RFX2: variants seen among roughly 807,000 people sequenced by gnomAD.
RFX2 encodes the protein DNA-binding protein RFX2.
Under a neutral mutation model 87.8 loss-of-function variants are expected in RFX2, and 20 were observed. That is an observed-to-expected ratio of 0.23 (90% CI 0.16 to 0.33). The LOEUF is 0.33. RFX2 is among the 10% of genes least tolerant of loss of function. The pLI, the probability that RFX2 is intolerant of heterozygous loss-of-function variation, is 1.00. For missense variants in RFX2, 767 were observed against 1,012.3 expected (o/e 0.76, Z 3.29); for synonymous variants, 397 against 431.3 (o/e 0.92, Z 0.98).
Position 5,994,876 on chromosome 19 carries a change from G to T in RFX2, c.2131C>A (p.Arg711=). The T allele has an allele frequency of 6.2e-7, 1 of 1,610,518 alleles. No individual in the cohort carries two copies. The change falls in exon 18 of 18, where the codon CGG becomes AGG. Residue 711 remains arginine (R), a synonymous_variant. Transcript: ENST00000303657. ...GAGTGGTTGGGGTCACTGCGCTCCCGCTTTACCAGGGGCTCACCCAGGCTG... is the reference window on the plus strand; with the variant it reads ...GAGTGGTTGGGGTCACTGCGCTCCCTCTTTACCAGGGGCTCACCCAGGCTG... The part of the protein sequence containing the change: ...ARSLGEPLVK[R]ERSDPNHSLQ...
chr19:6,026,259 A>G lies in RFX2; in HGVS notation c.523-22T>C, dbSNP rs769330023. On this transcript the variant is annotated intron_variant, in intron 5 of 17. Transcript: ENST00000303657. The surrounding 1 kb of genome is among the most constrained non-coding windows in gnomAD (Gnocchi z 4.5). ...CAAGCTAAAGAAAATGTGTGCAGAA[A>G]CAAAACAAAACAAAATGGAAAAAAA... The G allele has an allele frequency of 1.0e-5, 16 of 1,584,756 alleles. No homozygotes were observed. In the East Asian group the frequency reaches 3.6e-4, roughly 35 times the overall value.
At chr19:6,051,462 G>A (rs1030113964) in intron 1 of RFX2, among the ~76,000 whole-genome samples, 1 of 152,074 alleles carries the variant, frequency 6.6e-6, no homozygotes. Context: ...TCTATAAATT[G>A]TGATAAATTA....
intron 6 of RFX2, among the ~76,000 whole-genome samples, chr19:6,025,137 T>C (rs1235526179): frequency 2.6e-5 from 4 of 152,198 alleles, no homozygotes; most frequent in Admixed American, 6.5e-5. Context: ...TTTCCAGCTA[T>C]GTGCAAAACC....
At chr19:6,077,181 G>C (rs1398326939) in intron 1 of RFX2, 1 of 152,250 alleles carries the variant, frequency 6.6e-6, no homozygotes, top group Non-Finnish European at 1.5e-5. Flanking sequence ...GAGCCAGCAA[G>C]CTTCCTTAAA....
chr19:6,049,828 T>C (rs753389327), intron 1 of RFX2, among the ~76,000 whole-genome samples: 1 of 152,250 alleles, frequency 6.6e-6, no homozygotes, highest in Non-Finnish European at 1.5e-5. Context: ...GTGCCCAGCC[T>C]GTTCCCCTAA....
Position 6,012,900 on chromosome 19 carries a change from G to T in RFX2, c.899+86C>A. The T allele has an allele frequency of 7.7e-7, 1 of 1,299,310 alleles. No individual in the cohort carries two copies. Among genetic ancestry groups the T allele is most frequent in the Non-Finnish European group, 1.0e-6 (1 of 999,872 alleles). The allele number at this position is 1,299,310 out of a possible 1,614,324, so 80.5% of individuals were successfully genotyped here. ...AGGATGCTGGAGACTGGGGAGTTAT[G>T]ATGAGTTTGTTTCGTGTTGGAGAAA... On this transcript the variant is annotated intron_variant, in intron 8 of 17. Transcript: ENST00000303657. This position sits in a 1 kb window ranked among gnomAD's most constrained non-coding sequence, Gnocchi z 4.6.
At position 6,045,950 on chromosome 19, in the gene RFX2, G is replaced by A. The variant is rs2087183964; in HGVS notation, c.90+1457C>T. Among the ~76,000 whole-genome samples, 1 of 152,108 alleles carries A rather than the reference G, an allele frequency of 6.6e-6. No homozygotes were observed. Among genetic ancestry groups the A allele is most frequent in the Non-Finnish European group, 1.5e-5 (1 of 68,022 alleles). ...GATCCACCCACCTTGGCCTCCCAAA[G>A]TGCTGGGATTACAGGCATGTGCCAC... On this transcript the variant is annotated intron_variant, in intron 2 of 17. Coordinates refer to ENST00000303657, the MANE Select transcript of RFX2 (RefSeq NM_000635.4). The surrounding 1 kb of genome is among the most constrained non-coding windows in gnomAD (Gnocchi z 5.2).
Position 6,010,331 on chromosome 19 carries a change from G to A in RFX2, c.900-80C>T, listed in dbSNP as rs2086644685. 1 of 879,230 alleles carries A rather than the reference G, an allele frequency of 1.1e-6. No homozygotes were observed. Among genetic ancestry groups the A allele is most frequent in the Non-Finnish European group, 1.8e-6 (1 of 549,658 alleles). 54.5% of individuals were successfully genotyped at this position (879,230 alleles called of 1,614,324 possible). On this transcript the variant is annotated intron_variant, in intron 8 of 17. Transcript: ENST00000303657. This position sits in a 1 kb window ranked among gnomAD's most constrained non-coding sequence, Gnocchi z 5.0. ...GCCCAAAGACTGGGGGGCTGGGCAG[G>A]ATTCAGTCAGGCATGTGTGTGTGAT...
chr19:5,996,692 CTA>C (rs2086417363), intron 16 of RFX2, among the ~76,000 whole-genome samples: 1 of 152,244 alleles, frequency 6.6e-6, no homozygotes, highest in Non-Finnish European at 1.5e-5. Context: ...AAATCTCTCC[CTA>C]TGTGTGTGTT....
intron 13 of RFX2, among the ~76,000 whole-genome samples, chr19:6,003,883 C>T (rs1280371292): frequency 2.7e-5 from 4 of 149,974 alleles, no homozygotes; most frequent in African/African-American, 9.8e-5. Context: ...TCAAATTCGA[C>T]TGATTTGTGG....
chr19:5,995,566 G>A lies in RFX2; in HGVS notation c.2056+35C>T, dbSNP rs753805552. On this transcript the variant is annotated intron_variant, in intron 17 of 17. Coordinates refer to ENST00000303657, the MANE Select transcript of RFX2 (RefSeq NM_000635.4). ...ACGGCCAGGAGTACCACCCTCCTGG[G>A]AGGGTCGTGGTGGGAAAGCCGCAGA... The A allele has an allele frequency of 4.5e-6, 7 of 1,549,000 alleles. No individual in the cohort carries two copies. The South Asian group carries it at 7.1e-5, about 16-fold the overall frequency.
intron 5 of RFX2, among the ~76,000 whole-genome samples, chr19:6,038,328 GAAAAAAAAAA>G (rs55857624): frequency 8.2e-5 from 5 of 61,100 alleles, no homozygotes; most frequent in African/African-American, 2.7e-4. Flanking sequence ...CTCCGTCTCA[GAAAAAAAAAA>G]AAAAAAAAAA....
chr19:5,996,168 C>G (rs1350223747), intron 16 of RFX2, among the ~76,000 whole-genome samples: 1 of 93,158 alleles, frequency 1.1e-5, no homozygotes, highest in Non-Finnish European at 2.2e-5. Context: ...CAAGCATCAT[C>G]TCGTTTCTTC....
chr19:6,005,090 C>T lies in RFX2; in HGVS notation c.1403-792G>A, dbSNP rs72991042. ...GCCTCCTGCAATCCAGCCTGAGTGA[C>T]AAGAGCAAAACTCTGTCTTAAAAAA... On this transcript the variant is annotated intron_variant, in intron 12 of 17. Transcript: ENST00000303657. 6.8e-3 allele frequency among the ~76,000 whole-genome samples: 1,030 copies of T among 152,164 alleles called. 3 individuals carry two copies. The highest frequency in any genetic ancestry group is 0.012 in the Non-Finnish European group (791 of 67,998).
Position 6,016,276 on chromosome 19 carries a change from A to G in RFX2, c.598-5T>C, listed in dbSNP as rs1397280428. The G allele has an allele frequency of 1.3e-6, 2 of 1,591,240 alleles. No individual in the cohort carries two copies. The highest frequency in any genetic ancestry group is 2.7e-5 in the African/African-American group (2 of 74,206). ...ATTATCCAACAGCCACTGGAGCTGT[A>G]AAAAGAAAGACACGTCTGCGTTTGT... On this transcript the variant is annotated splice_polypyrimidine_tract_variant and splice_region_variant and intron_variant, in intron 6 of 17. Transcript: ENST00000303657. The surrounding 1 kb of genome is among the most constrained non-coding windows in gnomAD (Gnocchi z 5.4).
At chr19:6,041,198 T>C (rs757671357) in intron 4 of RFX2, among the ~76,000 whole-genome samples, 11 of 151,924 alleles carry the variant, frequency 7.2e-5, no homozygotes, top group Non-Finnish European at 1.0e-4. Flanking sequence ...CCTCTGAATA[T>C]GGGTGTGCAC....
chr19:6,070,143 G>A (rs372709941), intron 1 of RFX2, among the ~76,000 whole-genome samples: 8 of 35,700 alleles, frequency 2.2e-4, no homozygotes, highest in Non-Finnish European at 2.5e-4. Flanking sequence ...GATGGGATGG[G>A]ATGGGATGTG....
At chr19:6,105,357 A>G (rs2088199465) in intron 1 of RFX2, among the ~76,000 whole-genome samples, 1 of 152,096 alleles carries the variant, frequency 6.6e-6, no homozygotes, top group South Asian at 2.1e-4. Context: ...AGCCCTCCAA[A>G]TACCTGGGCA....
chr19:6,018,182 T>G (rs1405334800), intron 6 of RFX2, among the ~76,000 whole-genome samples: 2 of 152,202 alleles, frequency 1.3e-5, no homozygotes, highest in African/African-American at 4.8e-5. Context: ...TTTTGCCATG[T>G]TGGCCTCGAA....
Sources: gnomAD v4.1 joint callset for allele counts (sites outside exome capture counted in the v4.1 genomes callset) on GRCh38, gnomAD v4.1.1 for gene constraint, Gnocchi (gnomAD v3.1) non-coding constraint, MANE v1.5 for transcripts, NCBI Gene and HGNC (gene_info 2026-07-23, HGNC 2026-07-21) for gene names.